Variants in KCNH5 observed in about 807,000 individuals in gnomAD.
KCNH5 encodes the protein potassium voltage-gated channel subfamily H member 5.
In KCNH5, 46 loss-of-function variants were observed where a neutral mutation model predicts 96.1. That is an observed-to-expected ratio of 0.48 (90% confidence interval 0.38 to 0.61). The LOEUF (loss-of-function observed/expected upper bound fraction) is 0.61. Ranked by LOEUF, KCNH5 falls within the 20% of genes least tolerant of loss-of-function variation. The pLI is 0.00. For synonymous variants in KCNH5, 439 were observed against 449.8 expected, an observed-to-expected ratio of 0.98 and a Z score of 0.30; for missense variants, 907 against 1,225.8, an observed-to-expected ratio of 0.74 and a Z score of 3.88.
At chr14:62,957,163 C>T (rs1457731961) in intron 6 of KCNH5, among the ~76,000 whole-genome samples, 3 of 152,188 alleles carry the variant, frequency 2.0e-5, no homozygotes, top group African/African-American at 7.2e-5. Flanking sequence ...CCAGGAGACA[C>T]CTCTGTGCCA....
At position 62,831,126 on chromosome 14, in the gene KCNH5, T is replaced by A. The variant is rs1887339461; in HGVS notation, c.1569+18527A>T. ...TTCCATTTAGGACAGGATTCTTTTT[T>A]CTGCTAGTGAACCCTGGTGGCTATT... On this transcript the variant is annotated intron_variant, in intron 8 of 10. Transcript: ENST00000322893. Among the ~76,000 whole-genome samples, 3 of 152,274 alleles carry A rather than the reference T, an allele frequency of 2.0e-5. No homozygotes were observed. The South Asian group carries it at 6.2e-4, about 32-fold the overall frequency.
intron 8 of KCNH5, among the ~76,000 whole-genome samples, chr14:62,846,702 C>G (rs1887698048): frequency 6.7e-6 from 1 of 148,260 alleles, no homozygotes; most frequent in East Asian, 2.0e-4. Context: ...TCTGAGATAT[C>G]TATTCCCTCT....
At chr14:63,003,454 A>ATATATATTTTATATATATTATATATATTT (rs1891049795) in intron 3 of KCNH5, among the ~76,000 whole-genome samples, 3 of 134,022 alleles carry the variant, frequency 2.2e-5, no homozygotes, top group Non-Finnish European at 3.1e-5. Context: ...TATATATTAT[A>ATATATATTTTATATATATTATATATATTT]TATATATTTT....
In KCNH5 at chr14:62,705,371, A is replaced by C. The variant is rs1388172325; in HGVS notation, c.*2137T>G. The C allele has an allele frequency of 6.6e-6, 1 of 152,018 alleles. No individual in the cohort carries two copies. The highest frequency in any genetic ancestry group is 6.6e-5 in the Admixed American group (1 of 15,254). The allele number at this position is 152,018 out of a possible 1,614,324, so 9.4% of individuals were successfully genotyped here. On this transcript the variant is annotated 3_prime_UTR_variant, in exon 11 of 11. Coordinates refer to ENST00000322893, the MANE Select transcript of KCNH5 (RefSeq NM_139318.5). ...CATTCACCTTTAAAAGCTTAAGCCA[A>C]ACTTGACTTAAACAAATAGAAAAAT...
chr14:62,805,234 A>C (rs2140002492), intron 8 of KCNH5, among the ~76,000 whole-genome samples: 1 of 152,262 alleles, frequency 6.6e-6, no homozygotes, highest in Admixed American at 6.5e-5. Context: ...AATGTTTTTC[A>C]GGATTCATGT....
chr14:62,903,564 C>T (rs1393812663), intron 7 of KCNH5, among the ~76,000 whole-genome samples: 1 of 152,130 alleles, frequency 6.6e-6, no homozygotes, highest in Non-Finnish European at 1.5e-5. Context: ...ATGTAAGGTC[C>T]TCTTCAGTTG....
chr14:62,881,355 T>G (rs1888488009), intron 7 of KCNH5, among the ~76,000 whole-genome samples: 1 of 152,110 alleles, frequency 6.6e-6, no homozygotes, highest in African/African-American at 2.4e-5. Flanking sequence ...AGTAAGAAAC[T>G]TTTATCCTAT....
chr14:63,011,346 C>A (rs984133864), intron 2 of KCNH5, among the ~76,000 whole-genome samples: 1 of 151,766 alleles, frequency 6.6e-6, no homozygotes, highest in Non-Finnish European at 1.5e-5. Flanking sequence ...GGCATGGTGG[C>A]GGGTGCATGT....
intron 8 of KCNH5, among the ~76,000 whole-genome samples, chr14:62,811,695 C>T (rs1399249852): frequency 6.6e-6 from 1 of 151,888 alleles, no homozygotes; most frequent in East Asian, 1.9e-4. Context: ...TTGGTTTCAA[C>T]CATAAAATCA....
At chr14:62,732,676 G>A (rs1284282209) in intron 10 of KCNH5, among the ~76,000 whole-genome samples, 1 of 152,044 alleles carries the variant, frequency 6.6e-6, no homozygotes, top group Non-Finnish European at 1.5e-5. Context: ...CTATTTTGAT[G>A]GGCTTACTTA....
At chr14:62,937,106 T>C (rs1309937259) in intron 7 of KCNH5, among the ~76,000 whole-genome samples, 2 of 151,970 alleles carry the variant, frequency 1.3e-5, no homozygotes, top group East Asian at 3.9e-4. Context: ...CACAGAATGC[T>C]AGAATCGTAT....
chr14:62,838,634 T>A (rs1887512945), intron 8 of KCNH5, among the ~76,000 whole-genome samples: 1 of 152,122 alleles, frequency 6.6e-6, no homozygotes, highest in Admixed American at 6.6e-5. Context: ...TAAGGTGTGA[T>A]AAGGAGACAC....
chr14:62,868,996 T>C (rs1323028206), intron 7 of KCNH5, among the ~76,000 whole-genome samples: 2 of 152,246 alleles, frequency 1.3e-5, no homozygotes, highest in African/African-American at 4.8e-5. Context: ...GCAATAAACA[T>C]ACGTGTGCAT....
At chr14:62,773,538 G>T (rs1453596269) in intron 10 of KCNH5, among the ~76,000 whole-genome samples, 1 of 152,178 alleles carries the variant, frequency 6.6e-6, no homozygotes, top group East Asian at 1.9e-4. Flanking sequence ...TTATGGGCTG[G>T]ATGGATGCAT....
intron 10 of KCNH5, among the ~76,000 whole-genome samples, chr14:62,727,859 G>A (rs967777156): frequency 6.7e-6 from 1 of 149,628 alleles, no homozygotes; most frequent in African/African-American, 2.5e-5. Context: ...AATGCAAAAA[G>A]TACTAAACAG....
rs113891319 is a variant in KCNH5 at position 63,009,512 on chromosome 14, G to C, written c.198-3040C>G. Among the ~76,000 whole-genome samples the C allele has an allele frequency of 2.0e-3, 300 of 152,248 alleles. 3 individuals are homozygous for C. Among genetic ancestry groups the C allele is most frequent in the African/African-American group, 7.1e-3 (294 of 41,550 alleles). The stretch of plus-strand genomic sequence containing the variant: ...TTCATTTCTTACATTGTTCCACTCA[G>C]ATTTTTCATTTATTATACCGCATAT... On this transcript the variant is annotated intron_variant, in intron 2 of 10. Transcript: ENST00000322893.
chr14:62,976,675 A>G (rs986865231), intron 6 of KCNH5, among the ~76,000 whole-genome samples: 1 of 152,220 alleles, frequency 6.6e-6, no homozygotes, highest in Admixed American at 6.5e-5. Context: ...AACTTCCAGA[A>G]AGAGAAAATA....
chr14:62,788,339 G>A (rs1207906858), intron 9 of KCNH5, among the ~76,000 whole-genome samples: 1 of 152,098 alleles, frequency 6.6e-6, no homozygotes, highest in East Asian at 1.9e-4. Flanking sequence ...TGCTGCAATC[G>A]CACTATAAAA....
intron 9 of KCNH5, among the ~76,000 whole-genome samples, chr14:62,798,488 T>C (rs1356835292): frequency 6.6e-6 from 1 of 152,154 alleles, no homozygotes; most frequent in Non-Finnish European, 1.5e-5. Flanking sequence ...GAATAAGACA[T>C]TAAAGAATAT....
Sources: gnomAD v4.1 joint callset for allele counts (sites outside exome capture counted in the v4.1 genomes callset) on GRCh38, gnomAD v4.1.1 for gene constraint, MANE v1.5 for transcripts, NCBI Gene and HGNC (gene_info 2026-07-23, HGNC 2026-07-21) for gene names.